CMTM4: variants seen among roughly 807,000 people sequenced by gnomAD.
The protein encoded by CMTM4 is CKLF-like MARVEL transmembrane domain-containing protein 4.
In CMTM4, 8 loss-of-function variants were observed where a neutral mutation model predicts 19.0. The ratio of observed to expected loss-of-function variants is 0.42; its 90% CI spans 0.25 to 0.76. The LOEUF is 0.76. CMTM4 is among the 30% of genes least tolerant of loss of function. CMTM4 has a pLI of 0.27. For missense variants in CMTM4, 228 were observed against 290.2 expected (o/e 0.79, Z 1.56); for synonymous variants, 106 against 121.1 (o/e 0.88, Z 0.82).
chr16:66,637,272 C>A (rs555425512), intron 1 of CMTM4, among the ~76,000 whole-genome samples: 2 of 152,124 alleles, frequency 1.3e-5, no homozygotes, highest in Non-Finnish European at 2.9e-5. Context: ...AGGCTGGGCA[C>A]GGGGGCTCAT....
At chr16:66,604,792 C>T in the CMTM4 span, 19 of 1,232,904 alleles carry the variant, frequency 1.5e-5, no homozygotes, top group East Asian at 6.3e-4. Context: ...CCCGGCCCTA[C>T]CGCCGCCGCC....
intron 1 of CMTM4, among the ~76,000 whole-genome samples, chr16:66,682,879 A>G (rs1429844128): frequency 2.0e-5 from 3 of 152,040 alleles, no homozygotes; most frequent in African/African-American, 7.2e-5. Context: ...GACAACTTCA[A>G]TAATAATTAC....
At chr16:66,640,637 G>A (rs915644632) in intron 1 of CMTM4, among the ~76,000 whole-genome samples, 60 of 152,336 alleles carry the variant, frequency 3.9e-4, no homozygotes, top group African/African-American at 1.4e-3. Flanking sequence ...GAGGACAAGG[G>A]CAGAAGCCAG....
In CMTM4 at chr16:66,620,390, C is replaced by T; in HGVS notation, c.*1668G>A. 1 of 985,494 alleles carries T rather than the reference C, an allele frequency of 1.0e-6. No homozygotes were observed. The highest frequency in any genetic ancestry group is 1.2e-6 in the Non-Finnish European group (1 of 829,970). The allele number at this position is 985,494 out of a possible 1,614,324, so 61.0% of individuals were successfully genotyped here. On this transcript the variant is annotated 3_prime_UTR_variant, in exon 4 of 4. Transcript: ENST00000394106. ...GTCAGCCCCTGAGGCAGACGTGGTG[C>T]TCAGCCACATAGCCTGGGACACTGC...
chr16:66,675,471 A>C (rs1436973064), intron 1 of CMTM4, among the ~76,000 whole-genome samples: 3 of 151,362 alleles, frequency 2.0e-5, no homozygotes, highest in Non-Finnish European at 4.4e-5. Flanking sequence ...AAAAAAAAAA[A>C]AAAAAACCTG....
chr16:66,604,766 G>C, the CMTM4 span: 2 of 1,221,326 alleles, frequency 1.6e-6, no homozygotes, highest in Non-Finnish European at 2.0e-6. Flanking sequence ...GCGAGAAGAG[G>C]GGAGCCAGGC....
At chr16:66,611,173 C>G, downstream of CMTM4, 1 of 261,140 alleles carries the variant, frequency 3.8e-6, no homozygotes, top group East Asian at 6.4e-5. Context: ...AATATAGCAG[C>G]CAGGCACAGT....
chr16:66,606,083 T>C, the CMTM4 span, among the ~76,000 whole-genome samples: 2 of 147,372 alleles, frequency 1.4e-5, no homozygotes, highest in Admixed American at 1.3e-4. Flanking sequence ...AGCAGGAGCA[T>C]AGAGGCCACC....
At chr16:66,683,292 T>C (rs1354671989) in intron 1 of CMTM4, among the ~76,000 whole-genome samples, 1 of 122,020 alleles carries the variant, frequency 8.2e-6, no homozygotes, top group Non-Finnish European at 1.7e-5. Flanking sequence ...TTTTCTTTTT[T>C]TTTTTTTTTT....
the CMTM4 span, chr16:66,604,609 C>A: frequency 2.6e-6 from 1 of 383,224 alleles, no homozygotes; most frequent in Non-Finnish European, 4.4e-6. Context: ...GCCCAGCATC[C>A]CCCGCAGCCG....
intron 1 of CMTM4, among the ~76,000 whole-genome samples, chr16:66,664,587 G>A (rs2016558121): frequency 6.6e-6 from 1 of 151,850 alleles, no homozygotes; most frequent in African/African-American, 2.4e-5. Context: ...TTAATTATAA[G>A]TAAAGTGTAC....
chr16:66,623,794 T>C (rs1160864567), intron 2 of CMTM4, among the ~76,000 whole-genome samples: 1 of 152,214 alleles, frequency 6.6e-6, no homozygotes, highest in Non-Finnish European at 1.5e-5. Context: ...AGAGGTCTGG[T>C]GCCATCTTTT....
chr16:66,690,133 T>C (rs1373010138), intron 1 of CMTM4, among the ~76,000 whole-genome samples: 1 of 152,230 alleles, frequency 6.6e-6, no homozygotes, highest in Non-Finnish European at 1.5e-5. Context: ...GGGACTGTTT[T>C]ACAAGGAGCC....
intron 1 of CMTM4, among the ~76,000 whole-genome samples, chr16:66,645,094 G>C (rs1485887468): frequency 6.6e-6 from 1 of 151,696 alleles, no homozygotes; most frequent in Non-Finnish European, 1.5e-5. Context: ...GACCAGCCTG[G>C]CCAACATGGT....
chr16:66,638,784 C>A (rs889629769), intron 1 of CMTM4, among the ~76,000 whole-genome samples: 2 of 151,954 alleles, frequency 1.3e-5, no homozygotes, highest in African/African-American at 4.8e-5. Flanking sequence ...ACTTGAAACC[C>A]GGGAGGCGGA....
intron 1 of CMTM4, among the ~76,000 whole-genome samples, chr16:66,641,780 G>A (rs1294916910): frequency 6.6e-6 from 1 of 152,072 alleles, no homozygotes; most frequent in Non-Finnish European, 1.5e-5. Context: ...CTCTACAAAT[G>A]ACAAAATGCT....
At chr16:66,602,629 C>G in the CMTM4 span, among the ~76,000 whole-genome samples, 2 of 152,134 alleles carry the variant, frequency 1.3e-5, no homozygotes, top group African/African-American at 2.4e-5. Flanking sequence ...TCACTGCAAC[C>G]TCTGCCTTCT....
chr16:66,618,799 G>A lies in CMTM4; in HGVS notation c.*3259C>T. On this transcript the variant is annotated 3_prime_UTR_variant, in exon 4 of 4. Coordinates refer to ENST00000394106, the MANE Select transcript of CMTM4 (RefSeq NM_181521.3). ...CTGTCCCAGAAGCACCCGACATAGG[G>A]TGGAGGTCAGACACATTCCCTGGCT... The A allele has an allele frequency of 1.0e-6, 1 of 985,490 alleles. No homozygotes were observed. The highest frequency in any genetic ancestry group is 1.2e-6 in the Non-Finnish European group (1 of 829,946). 61.0% of individuals were successfully genotyped at this position (985,490 alleles called of 1,614,324 possible).
At chr16:66,676,336 C>G (rs1425336713) in intron 1 of CMTM4, among the ~76,000 whole-genome samples, 1 of 152,204 alleles carries the variant, frequency 6.6e-6, no homozygotes, top group Non-Finnish European at 1.5e-5. Context: ...TTCTGTCTCT[C>G]CCCATAACCA....
Sources: allele counts gnomAD v4.1 joint callset (sites outside exome capture counted in the v4.1 genomes callset), GRCh38; gene constraint gnomAD v4.1.1; transcripts MANE v1.5; gene names NCBI Gene and HGNC (gene_info 2026-07-23, HGNC 2026-07-21).